The following SHISA9 variants were observed in gnomAD, a reference collection of about 807,000 sequenced individuals.
The protein encoded by SHISA9 is shisa family member 9.
SHISA9 carries 13 observed loss-of-function variants against 38.0 expected under a neutral mutation model. The ratio of observed to expected loss-of-function variants is 0.34; its 90% confidence interval spans 0.22 to 0.54. The LOEUF is 0.54. SHISA9 is among the 20% of genes least tolerant of loss of function. SHISA9 has a pLI of 0.91. For missense variants in SHISA9, 538 were observed against 575.8 expected (o/e 0.93, Z 0.67); for synonymous variants, 275 against 242.0 (o/e 1.14, Z -1.27).
At chr16:13,464,178 G>A in the SHISA9 span, among the ~76,000 whole-genome samples, 1 of 152,156 alleles carries the variant, frequency 6.6e-6, no homozygotes, top group East Asian at 1.9e-4. Flanking sequence ...GTGAGGATTG[G>A]AGGAAGCTTT....
chr16:13,013,298 G>T (rs1030342733), intron 2 of SHISA9, among the ~76,000 whole-genome samples: 1 of 152,202 alleles, frequency 6.6e-6, no homozygotes, highest in Admixed American at 6.5e-5. Flanking sequence ...CCTCTGAAAT[G>T]ATGGGCCCAG....
At chr16:13,194,739 C>T (rs2050920917) in intron 2 of SHISA9, among the ~76,000 whole-genome samples, 2 of 152,184 alleles carry the variant, frequency 1.3e-5, no homozygotes, top group Admixed American at 1.3e-4. Context: ...GAGAAAAACA[C>T]ATTAAAAACT....
chr16:13,055,693 A>G (rs2073302464), intron 2 of SHISA9, among the ~76,000 whole-genome samples: 1 of 152,080 alleles, frequency 6.6e-6, no homozygotes, highest in Non-Finnish European at 1.5e-5. Context: ...CCCTCATAGC[A>G]CTCTGGAGGC....
chr16:13,081,600 C>G (rs1372417115), intron 2 of SHISA9, among the ~76,000 whole-genome samples: 1 of 151,840 alleles, frequency 6.6e-6, no homozygotes, highest in East Asian at 1.9e-4. Context: ...ACCCGTGATT[C>G]CACATCTATG....
chr16:12,962,184 T>G (rs754175516), intron 2 of SHISA9, among the ~76,000 whole-genome samples: 101 of 152,194 alleles, frequency 6.6e-4, no homozygotes, highest in Admixed American at 2.6e-4. Flanking sequence ...TTCATACACA[T>G]GATCTCAAAT....
At chr16:13,312,285 TG>T in the SHISA9 span, among the ~76,000 whole-genome samples, 2 of 152,216 alleles carry the variant, frequency 1.3e-5, no homozygotes, top group African/African-American at 4.8e-5. Flanking sequence ...AAACAGACAG[TG>T]GGCCAGATGT....
At chr16:13,475,615 C>G in the SHISA9 span, among the ~76,000 whole-genome samples, 1 of 152,096 alleles carries the variant, frequency 6.6e-6, no homozygotes, top group Non-Finnish European at 1.5e-5. Context: ...AATTTTTCCA[C>G]AAACCCAGGT....
chr16:13,502,082 A>G, the SHISA9 span, among the ~76,000 whole-genome samples: 1 of 152,310 alleles, frequency 6.6e-6, no homozygotes, highest in Non-Finnish European at 1.5e-5. Flanking sequence ...GGATATATAG[A>G]TAAATGAATG....
intron 2 of SHISA9, among the ~76,000 whole-genome samples, chr16:13,156,188 C>T (rs1293910753): frequency 6.6e-6 from 1 of 152,150 alleles, no homozygotes; most frequent in Non-Finnish European, 1.5e-5. Context: ...GGCAGCCAGT[C>T]TGAGCCGGTG....
intron 2 of SHISA9, among the ~76,000 whole-genome samples, chr16:12,988,669 C>T (rs1443739200): frequency 2.6e-5 from 4 of 151,930 alleles, no homozygotes; most frequent in African/African-American, 7.3e-5. Flanking sequence ...AGATTATAGG[C>T]GCCCCCCAAC....
At chr16:13,114,899 A>ATT (rs2074015733) in intron 2 of SHISA9, among the ~76,000 whole-genome samples, 3 of 97,522 alleles carry the variant, frequency 3.1e-5, no homozygotes, top group Non-Finnish European at 6.3e-5. Context: ...ATTACATCTA[A>ATT]CTCCATCCAT....
the SHISA9 span, among the ~76,000 whole-genome samples, chr16:13,417,381 A>G: frequency 1.4e-5 from 2 of 140,866 alleles, no homozygotes; most frequent in East Asian, 3.9e-4. Flanking sequence ...TTTGAGTTGG[A>G]AAAAAAAAAA....
intron 2 of SHISA9, among the ~76,000 whole-genome samples, chr16:12,985,241 G>GTAAA (rs3075032): frequency 0.028 from 4,183 of 149,040 alleles, 76 homozygotes; most frequent in East Asian, 0.046. Context: ...AAATAAATAA[G>GTAAA]TAAATAAATA....
chr16:12,913,979 T>C lies in SHISA9; in HGVS notation c.564-2709T>C, dbSNP rs2071220267. Among the ~76,000 whole-genome samples the C allele has an allele frequency of 2.0e-5, 3 of 152,116 alleles. No individual in the cohort carries two copies. The South Asian group carries it at 6.2e-4, about 32-fold the overall frequency. On this transcript the variant is annotated intron_variant, in intron 1 of 4. Transcript: ENST00000558583. Reference sequence around the variant, plus strand: ...ATTGCTGCTGTGTCCCAGGCTCTCTTGATCACATTACTCTTATTTATTTGA... The same window carrying C: ...ATTGCTGCTGTGTCCCAGGCTCTCTCGATCACATTACTCTTATTTATTTGA...
chr16:13,061,943 G>A (rs866442306), intron 2 of SHISA9, among the ~76,000 whole-genome samples: 1 of 152,132 alleles, frequency 6.6e-6, no homozygotes, highest in African/African-American at 2.4e-5. Flanking sequence ...TAAGTTGGAC[G>A]GAGCTCAATG....
chr16:13,241,438 G>A (rs919447453), downstream of SHISA9, among the ~76,000 whole-genome samples: 7 of 150,856 alleles, frequency 4.6e-5, no homozygotes, highest in Middle Eastern at 3.2e-3. Flanking sequence ...CTTGGGAGGC[G>A]GAGGTTGCGG....
At chr16:13,294,288 A>G in the SHISA9 span, among the ~76,000 whole-genome samples, 3 of 152,184 alleles carry the variant, frequency 2.0e-5, no homozygotes, top group Non-Finnish European at 2.9e-5. Context: ...CTGCCCCAGG[A>G]TGGGTTCAGC....
chr16:13,004,846 C>T (rs533101505), intron 2 of SHISA9, among the ~76,000 whole-genome samples: 11 of 150,572 alleles, frequency 7.3e-5, no homozygotes, highest in Middle Eastern at 3.4e-3. Context: ...GCAGGAGAAT[C>T]GCTTGAATGC....
chr16:13,075,987 T>C (rs548175124), intron 2 of SHISA9, among the ~76,000 whole-genome samples: 81 of 152,110 alleles, frequency 5.3e-4, no homozygotes, highest in Middle Eastern at 3.4e-3. Context: ...CAGACATTGC[T>C]GATGTCCCCT....
Sources: gnomAD v4.1 joint callset for allele counts (sites outside exome capture counted in the v4.1 genomes callset) on GRCh38, gnomAD v4.1.1 for gene constraint, MANE v1.5 for transcripts, NCBI Gene and HGNC (gene_info 2026-07-23, HGNC 2026-07-21) for gene names.